The following CCR5AS variants were observed in gnomAD, a reference collection of about 807,000 sequenced individuals.
CCR5AS encodes CCR5 antisense RNA.
At chr3:46,394,282 C>G (rs1575286666) in intron 1 of CCR5AS, among the ~76,000 whole-genome samples, 1 of 152,168 alleles carries the variant, frequency 6.6e-6, no homozygotes, top group Admixed American at 6.5e-5. Flanking sequence ...GGCTGAGGAG[C>G]CCTGCTCTAG....
At chr3:46,375,763 C>G (rs758536268) in intron 2 of CCR5AS, 22 of 166,488 alleles carry the variant, frequency 1.3e-4, no homozygotes, top group Non-Finnish European at 1.8e-4. Flanking sequence ...ATGAATATAC[C>G]CCTTAGTGTT....
intron 2 of CCR5AS, chr3:46,372,528 CACAACA>C (rs71619644): frequency 1.8e-5 from 3 of 167,860 alleles, no homozygotes; most frequent in Non-Finnish European, 3.8e-5. Flanking sequence ...GACCCTGTCT[CACAACA>C]ACAACAACAA....
rs538923450 is a variant in CCR5AS, at chr3:46,397,284, T to G, written n.164-4232A>C. Among the ~76,000 whole-genome samples, 71 of 152,326 alleles carry G rather than the reference T, an allele frequency of 4.7e-4. 1 individual carries two copies. The highest frequency in any genetic ancestry group is 3.4e-3 in the Middle Eastern group (1 of 294). On this transcript the variant is annotated intron_variant and non_coding_transcript_variant, in intron 1 of 3. Coordinates refer to ENST00000451485, the Ensembl canonical transcript of CCR5AS. ...CCTGAATCTCCCTCTAGAATGCCAG[T>G]GCCACGAGGACAGAGGACGGTTCCA...
chr3:46,401,000 A>G (rs1016321348), intron 1 of CCR5AS, among the ~76,000 whole-genome samples: 2 of 152,234 alleles, frequency 1.3e-5, no homozygotes, highest in Non-Finnish European at 2.9e-5. Flanking sequence ...TTTTGGCATA[A>G]ATCAAAGATG....
At chr3:46,373,799 T>G in intron 2 of CCR5AS, 1 of 1,614,006 alleles carries the variant, frequency 6.2e-7, no homozygotes. Context: ...TCTATGCCTT[T>G]GTCGGGGAGA....
intron 3 of CCR5AS, among the ~76,000 whole-genome samples, chr3:46,366,128 A>G (rs891115888): frequency 2.0e-5 from 3 of 152,072 alleles, no homozygotes; most frequent in Admixed American, 2.0e-4. Context: ...GAGTGAGAGG[A>G]GTTGATGTGA....
chr3:46,369,868 A>G (rs1341293913), intron 3 of CCR5AS, among the ~76,000 whole-genome samples: 1 of 152,050 alleles, frequency 6.6e-6, no homozygotes, highest in Non-Finnish European at 1.5e-5. Flanking sequence ...CCTCTGTAGG[A>G]TTGGGGGCAC....
chr3:46,393,471 G>A (rs4683221), intron 1 of CCR5AS, among the ~76,000 whole-genome samples: 67,796 of 113,168 alleles, frequency 0.6, 18,958 homozygotes, highest in East Asian at 0.79. Flanking sequence ...AAAAAAAAAA[G>A]AAAAGAAAAG....
intron 3 of CCR5AS, among the ~76,000 whole-genome samples, chr3:46,369,721 T>C (rs923557356): frequency 1.4e-4 from 22 of 152,292 alleles, no homozygotes; most frequent in African/African-American, 4.6e-4. Flanking sequence ...GGATGCCTCA[T>C]AGAATCCTCC....
At chr3:46,372,216 C>T (rs1049488712) in intron 2 of CCR5AS, among the ~76,000 whole-genome samples, 1 of 152,108 alleles carries the variant, frequency 6.6e-6, no homozygotes. Context: ...TGGGCTAACT[C>T]TAGCGTCAAT....
chr3:46,373,737 A>T (rs1328889667), intron 2 of CCR5AS: 1 of 1,614,034 alleles, frequency 6.2e-7, no homozygotes, highest in South Asian at 1.1e-5. Flanking sequence ...GGACCAAGCT[A>T]TGCAGGTGAC....
chr3:46,380,074 G>GT (rs1701803152), intron 2 of CCR5AS, among the ~76,000 whole-genome samples: 2 of 152,118 alleles, frequency 1.3e-5, no homozygotes, highest in Non-Finnish European at 2.9e-5. Context: ...CACTTTCATA[G>GT]GCAGAAATAA....
chr3:46,370,673 T>G (rs1160763017), intron 3 of CCR5AS, among the ~76,000 whole-genome samples: 2 of 152,220 alleles, frequency 1.3e-5, no homozygotes, highest in Admixed American at 1.3e-4. Flanking sequence ...AGCTCTGATA[T>G]CCTTTATTCT....
intron 2 of CCR5AS, among the ~76,000 whole-genome samples, chr3:46,389,546 C>A (rs1222939927): frequency 6.6e-6 from 1 of 152,086 alleles, no homozygotes. Flanking sequence ...GGCAACAGGT[C>A]GTGGGCCTGG....
rs200419576 is a variant in CCR5AS at position 46,373,569 on chromosome 3, C to T, written n.392-2152G>A. ...CTCGGGAATCCTAAAAACTCTGCTT[C>T]GGTGTCGAAATGAGAAGAAGAGGCA... On this transcript the variant is annotated intron_variant and non_coding_transcript_variant, in intron 2 of 3. Coordinates refer to ENST00000451485, the Ensembl canonical transcript of CCR5AS. The T allele has an allele frequency of 6.5e-5, 105 of 1,613,176 alleles. 1 individual carries two copies. In the South Asian group the frequency reaches 6.8e-4, roughly 10 times the overall value.
At chr3:46,394,485 A>G (rs1335857794) in intron 1 of CCR5AS, among the ~76,000 whole-genome samples, 2 of 151,992 alleles carry the variant, frequency 1.3e-5, no homozygotes, top group African/African-American at 4.8e-5. Context: ...TCACTCTACC[A>G]TTTCCACTGC....
intron 2 of CCR5AS, among the ~76,000 whole-genome samples, chr3:46,385,030 A>G (rs993140841): frequency 6.6e-6 from 1 of 151,948 alleles, no homozygotes; most frequent in Non-Finnish European, 1.5e-5. Flanking sequence ...ATTGGGAGGT[A>G]CTCCTTCTAG....
At chr3:46,381,761 C>A (rs1419231307) in intron 2 of CCR5AS, among the ~76,000 whole-genome samples, 6 of 152,184 alleles carry the variant, frequency 3.9e-5, no homozygotes, top group Non-Finnish European at 7.3e-5. Context: ...TTGGCTAACT[C>A]AATCTTCCTG....
At chr3:46,397,474 A>C (rs2106776969) in intron 1 of CCR5AS, among the ~76,000 whole-genome samples, 1 of 152,352 alleles carries the variant, frequency 6.6e-6, no homozygotes, top group African/African-American at 2.4e-5. Context: ...TAGGGAGGCC[A>C]CAATACACAG....
Sources: gnomAD v4.1 joint callset for allele counts (sites outside exome capture counted in the v4.1 genomes callset) on GRCh38, gnomAD v4.1.1 for gene constraint, MANE v1.5 for transcripts, NCBI Gene and HGNC (gene_info 2026-07-23, HGNC 2026-07-21) for gene names.